Variants in CIC observed in about 807,000 individuals in gnomAD.
CIC encodes capicua transcriptional repressor.
A neutral mutation model predicts 115.7 loss-of-function variants in CIC; 18 were observed. That is an observed-to-expected ratio of 0.16 (90% CI 0.11 to 0.23). The LOEUF (loss-of-function observed/expected upper bound fraction) is 0.23, where lower values mean the gene tolerates loss of function less well. Among genes scored for constraint, CIC ranks in the 10% least tolerant of loss-of-function variants. CIC has a pLI of 1.00. For synonymous variants in CIC, 1,076 were observed against 923.0 expected (o/e 1.17, Z -3.01); for missense variants, 2,000 against 2,159.3 (o/e 0.93, Z 1.46).
chr19:42,280,311 C>T lies in CIC; in HGVS notation c.2794+5734C>T, dbSNP rs1008365898. The T allele has an allele frequency of 1.3e-5, 2 of 152,202 alleles. No homozygotes were observed. Among genetic ancestry groups the T allele is most frequent in the Admixed American group, 6.5e-5 (1 of 15,288 alleles). 9.4% of individuals were successfully genotyped at this position (152,202 alleles called of 1,614,324 possible). ...ACCTCGCGGCTGCAAGATGCTATCC[C>T]CCCTCTGAGCCTGTTTCTTGCGAAG... On this transcript the variant is annotated intron_variant, in intron 2 of 20. Coordinates refer to ENST00000681038, the MANE Select transcript of CIC (RefSeq NM_001386298.1). This position sits in a 1 kb window ranked among gnomAD's most constrained non-coding sequence, Gnocchi z 4.9.
Position 42,290,535 on chromosome 19 carries a change from G to A in CIC, c.4494G>A (p.Arg1498=), listed in dbSNP as rs1371443207. The A allele has an allele frequency of 5.0e-6, 8 of 1,613,418 alleles. No individual in the cohort carries two copies. Among genetic ancestry groups the A allele is most frequent in the Non-Finnish European group, 6.8e-6 (8 of 1,179,858 alleles). The change falls in exon 11 of 21, where the codon CGG becomes CGA. Residue 1498 remains arginine, a synonymous_variant. Coordinates refer to ENST00000681038, the MANE Select transcript of CIC (RefSeq NM_001386298.1). ...CAGCGACACCTTCCAAGGCAACCCGGTTCCTCCCAATGGATCCTGCCACCT... is the reference window on the plus strand; with the variant it reads ...CAGCGACACCTTCCAAGGCAACCCGATTCCTCCCAATGGATCCTGCCACCT... The part of the protein sequence containing the change: ...GGPATPSKAT[R]FLPMDPATFR...
Position 42,273,780 on chromosome 19 carries a change from G to T in CIC, c.1997G>T (p.Ser666Ile). ...GTCCGCAGTCGCCACCTGAGCGCCA[G>T]CACCCCTAAGGCAGGCGTGCTGACG... ...TAVRSRHLSA[S>I]TPKAGVLTPP... Residue 666 changes from serine to isoleucine, a missense_variant, in exon 2 of 21, where the codon AGC becomes ATC. Physicochemically the swap from Ser to Ile is moderately radical, Grantham distance 142. Around this residue, in one of 8 missense-constraint regions of CIC, gnomAD observed 222 missense variants for 247.7 expected, o/e 0.90. Coordinates refer to ENST00000681038, the MANE Select transcript of CIC (RefSeq NM_001386298.1). The T allele has an allele frequency of 2.5e-6, 1 of 398,706 alleles. No homozygotes were observed. Among genetic ancestry groups the T allele is most frequent in the Non-Finnish European group, 4.4e-6 (1 of 226,086 alleles). 24.7% of individuals were successfully genotyped at this position (398,706 alleles called of 1,614,324 possible). A position where few individuals can be genotyped will look rare whatever the true frequency, so the allele number is the denominator to read the frequency against.
At chr19:42,284,605 C>G (rs1293079539) in intron 2 of CIC, 4 of 743,922 alleles carry the variant, frequency 5.4e-6, no homozygotes, top group Non-Finnish European at 4.0e-6. Flanking sequence ...CCCGCTCCCC[C>G]CGGGCCCAAG....
Position 42,295,560 on chromosome 19 carries a change from T to G in CIC, c.*369T>G. ...TAGGGGGAGTTCATGCACCCCTTTT[T>G]TCCCCAGAGGGGCTGGACTCAGGTT... On this transcript the variant is annotated 3_prime_UTR_variant, in exon 21 of 21. Transcript: ENST00000681038. 1 of 257,076 alleles carries G rather than the reference T, an allele frequency of 3.9e-6. No homozygotes were observed. The highest frequency in any genetic ancestry group is 7.5e-6 in the Non-Finnish European group (1 of 133,004). The allele number at this position is 257,076 out of a possible 1,614,324, so 15.9% of individuals were successfully genotyped here.
chr19:42,290,307 G>A lies in CIC; in HGVS notation c.4266G>A (p.Glu1422=). The A allele has an allele frequency of 6.2e-7, 1 of 1,614,016 alleles. No homozygotes were observed. The highest frequency in any genetic ancestry group is 1.3e-5 in the African/African-American group (1 of 74,976). The change falls in exon 11 of 21, where the codon GAG becomes GAA. Residue 1422 remains glutamate (E), a synonymous_variant. Transcript: ENST00000681038. ...FTHCRPPLDP[E]PPGPPDPPVA... ...ACTGCCGCCCCCCACTGGACCCTGA[G>A]CCCCCAGGGCCCCCGGATCCTCCTG...
chr19:42,289,971 T>C lies in CIC; in HGVS notation c.4191+20T>C, dbSNP rs750018852. 1.9e-6 allele frequency: 3 copies of C among 1,563,824 alleles called. No homozygotes were observed. Among genetic ancestry groups the C allele is most frequent in the Non-Finnish European group, 2.6e-6 (3 of 1,143,996 alleles). ...AACAAGGTGAGGGCTTGGGTCACGGTGCTGTCCCATCACACTCCCTCCTAA... is the reference window on the plus strand; with the variant it reads ...AACAAGGTGAGGGCTTGGGTCACGGCGCTGTCCCATCACACTCCCTCCTAA... On this transcript the variant is annotated intron_variant, in intron 10 of 20. Transcript: ENST00000681038.
rs770660004 is a variant in CIC at position 42,294,937 on chromosome 19, A to T, written c.7300A>T (p.Thr2434Ser). The T allele has an allele frequency of 1.2e-6, 2 of 1,600,398 alleles. No homozygotes were observed. Among genetic ancestry groups the T allele is most frequent in the Non-Finnish European group, 1.7e-6 (2 of 1,179,920 alleles). Residue 2434 changes from threonine to serine, a missense_variant, in exon 21 of 21, where the codon ACG (threonine) becomes TCG (serine). Transcript: ENST00000681038. Reference sequence around the variant, plus strand: ...GAAGATCATGCAGGCTGCCACTCCCACGGAGCAGCCCCCTGGAGCTGAGGC... The same window carrying T: ...GAAGATCATGCAGGCTGCCACTCCCTCGGAGCAGCCCCCTGGAGCTGAGGC... ...RQKIMQAATP[T>S]EQPPGAEAPL...
rs761741493 is a variant in CIC at position 42,290,433 on chromosome 19, A to G, written c.4392A>G (p.Gly1464=). The change falls in exon 11 of 21, where the codon GGA becomes GGG. Residue 1464 remains glycine (G), a synonymous_variant. Transcript: ENST00000681038. ...CCACCTCCTTCTCACTGGGCTCAGGAACCTTCAAGGCCCAGGAGTCTGGTC... is the reference window on the plus strand; with the variant it reads ...CCACCTCCTTCTCACTGGGCTCAGGGACCTTCAAGGCCCAGGAGTCTGGTC... ...SAATSFSLGS[G]TFKAQESGQG... is the part of the protein sequence containing the mutation. 2 of 1,613,852 alleles carry G rather than the reference A, an allele frequency of 1.2e-6. No individual in the cohort carries two copies. The highest frequency in any genetic ancestry group is 1.7e-6 in the Non-Finnish European group (2 of 1,179,940).
chr19:42,293,407 G>C (rs1311152701), intron 16 of CIC, 126 bp downstream of exon 16: 2 of 1,349,854 alleles, frequency 1.5e-6, no homozygotes, highest in East Asian at 2.5e-5. Context: ...GGTCCCCTCT[G>C]TCCCTTCTGC....
At position 42,270,748 on chromosome 19, in the gene CIC, T is replaced by TG. The variant is rs1270437614; in HGVS notation, c.-10-1020dup. Among the ~76,000 whole-genome samples the TG allele has an allele frequency of 1.3e-5, 2 of 150,974 alleles. No individual in the cohort carries two copies. The highest frequency in any genetic ancestry group is 4.9e-5 in the African/African-American group (2 of 41,000). ...CTTGCGGGTATCACGCTGGGTGCTG[T>TG]GGGGGGAGGAGCAGGCTCCCATCCA... is the stretch of plus-strand genomic sequence containing the variant. On this transcript the variant is annotated intron_variant, in intron 1 of 20. Transcript: ENST00000681038. This position sits in a 1 kb window ranked among gnomAD's most constrained non-coding sequence, Gnocchi z 4.1.
chr19:42,292,181 G>T lies in CIC; in HGVS notation c.5709G>T (p.Gln1903His), dbSNP rs761565211. The stretch of plus-strand genomic sequence containing the variant: ...TCCCTGGACCCACCTCTCAGCCTCA[G>T]AAGGTCCTGTTGCCCTCCTCCACCA... The part of the protein sequence containing the change: ...ATLPGPTSQP[Q>H]KVLLPSSTRI... The change falls in exon 13 of 21, where the codon CAG becomes CAT. Residue 1903 changes from glutamine (Q) to histidine (H), a missense_variant. This residue lies in a region of CIC where 1,466 missense variants were observed against 1,390.4 expected (regional missense o/e 1.05). Coordinates refer to ENST00000681038, the MANE Select transcript of CIC (RefSeq NM_001386298.1). 6.2e-7 allele frequency: 1 copy of T among 1,614,002 alleles called. No individual in the cohort carries two copies. The highest frequency in any genetic ancestry group is 1.1e-5 in the South Asian group (1 of 91,078).
chr19:42,270,436 C>T lies in CIC; in HGVS notation c.-11+1055C>T, dbSNP rs948453450. On this transcript the variant is annotated intron_variant, in intron 1 of 20. Coordinates refer to ENST00000681038, the MANE Select transcript of CIC (RefSeq NM_001386298.1). This position sits in a 1 kb window ranked among gnomAD's most constrained non-coding sequence, Gnocchi z 4.1. Reference sequence around the variant, plus strand: ...TGGGTCCCCCAACCCTCCTAGAGGCCTCTGTTTTGGCCTCTCAGGTTCTCT... The same window carrying T: ...TGGGTCCCCCAACCCTCCTAGAGGCTTCTGTTTTGGCCTCTCAGGTTCTCT... Among the ~76,000 whole-genome samples, 9 of 152,206 alleles carry T rather than the reference C, an allele frequency of 5.9e-5. No homozygotes were observed. Among genetic ancestry groups the T allele is most frequent in the Admixed American group, 5.9e-4 (9 of 15,286 alleles).
At chr19:42,289,799 TC>T in intron 9 of CIC, 48 bp from the exon 10 acceptor site, 1 of 1,427,050 alleles carries the variant, frequency 7.0e-7, no homozygotes, top group South Asian at 1.2e-5. Context: ...TTCTCCTGGG[TC>T]CCCCTGCATC....
intron 2 of CIC, among the ~76,000 whole-genome samples, chr19:42,286,546 C>T (rs1414473428): frequency 6.6e-6 from 1 of 151,392 alleles, no homozygotes; most frequent in East Asian, 2.0e-4. Context: ...GGCGTGAGTA[C>T]TATTTCCCTT....
At chr19:42,290,129 GC>G in intron 10 of CIC, 103 bp from the exon 11 acceptor site, 1 of 1,549,538 alleles carries the variant, frequency 6.5e-7, no homozygotes, top group Non-Finnish European at 8.9e-7. Context: ...CAGGGGTGCA[GC>G]CCTAGGCTGG....
rs781566342 is a variant in CIC, at chr19:42,285,675, C to A, written c.2795-1096C>A. Among the ~76,000 whole-genome samples the A allele has an allele frequency of 1.6e-4, 25 of 152,314 alleles. No homozygotes were observed. In the South Asian group the frequency reaches 2.1e-3, roughly 13 times the overall value. On this transcript the variant is annotated intron_variant, in intron 2 of 20. Transcript: ENST00000681038. ...GCAGGGCTAGGGCGGTTCCCTCCTC[C>A]CTTCTTCATCTTCCCCGAGCAGGGG...
At position 42,289,268 on chromosome 19, in the gene CIC, G is replaced by C; in HGVS notation, c.3949G>C (p.Gly1317Arg). The change falls in exon 9 of 21, where the codon GGT becomes CGT. Residue 1317 changes from glycine (G) to arginine (R), a missense_variant. Physicochemically the swap from Gly to Arg is moderately radical, Grantham distance 125. Coordinates refer to ENST00000681038, the MANE Select transcript of CIC (RefSeq NM_001386298.1). Reference protein sequence around the residue: ...PGPFAAPGEGGALAATGRPPL... With the variant: ...PGPFAAPGEGRALAATGRPPL... ...ACCCTTTGCAGCCCCTGGTGAGGGA[G>C]GTGCCTTGGCGGCCACTGGGCGGCC... 6.2e-7 allele frequency: 1 copy of C among 1,613,820 alleles called. No homozygotes were observed. Among genetic ancestry groups the C allele is most frequent in the Non-Finnish European group, 8.5e-7 (1 of 1,180,022 alleles).
intron 2 of CIC, among the ~76,000 whole-genome samples, chr19:42,285,467 T>C (rs1328155232): frequency 6.6e-6 from 1 of 152,312 alleles, no homozygotes; most frequent in African/African-American, 2.4e-5. Context: ...TTCAGTGCTG[T>C]CTTCGTGATC....
At chr19:42,278,018 C>T (rs2037055446) in intron 2 of CIC, among the ~76,000 whole-genome samples, 1 of 152,252 alleles carries the variant, frequency 6.6e-6, no homozygotes, top group African/African-American at 2.4e-5. Context: ...CTGGCCCATG[C>T]CAGGGCCTGA....
Sources: allele counts gnomAD v4.1 joint callset (sites outside exome capture counted in the v4.1 genomes callset), GRCh38; gene constraint gnomAD v4.1.1; regional missense constraint gnomAD v4.1.1; non-coding constraint Gnocchi (gnomAD v3.1); transcripts MANE v1.5; gene names NCBI Gene and HGNC (gene_info 2026-07-23, HGNC 2026-07-21).